The following CEP128 variants were observed in gnomAD, a reference collection of about 807,000 sequenced individuals.
The protein encoded by CEP128 is centrosomal protein 128.
In CEP128, 132 loss-of-function variants were observed where a neutral mutation model predicts 156.7. The observed-to-expected ratio is 0.84, with a 90% CI of 0.73 to 0.97. The LOEUF (loss-of-function observed/expected upper bound fraction) is 0.97. CEP128 is among the 50% of genes least tolerant of loss of function. CEP128 has a pLI of 0.00. For missense variants in CEP128, 1,252 were observed against 1,281.9 expected, an observed-to-expected ratio of 0.98 and a Z score of 0.36; for synonymous variants, 469 against 448.9, an observed-to-expected ratio of 1.04 and a Z score of -0.57.
chr14:80,829,114 C>A (rs1361878220), intron 13 of CEP128, among the ~76,000 whole-genome samples: 1 of 152,118 alleles, frequency 6.6e-6, no homozygotes, highest in Admixed American at 6.5e-5. Context: ...GCCATAAGAA[C>A]ATTAGTGATA....
chr14:80,894,321 T>C (rs986121780), intron 8 of CEP128, among the ~76,000 whole-genome samples: 6 of 152,114 alleles, frequency 3.9e-5, no homozygotes, highest in Non-Finnish European at 8.8e-5. Flanking sequence ...AAGAGGACCT[T>C]AGAGCAACAT....
chr14:80,870,049 A>G (rs1887952188), intron 8 of CEP128, among the ~76,000 whole-genome samples: 1 of 152,034 alleles, frequency 6.6e-6, no homozygotes, highest in Non-Finnish European at 1.5e-5. Context: ...ACTGAGTCAC[A>G]AAGAAACAGA....
At chr14:80,678,049 A>ATATATATATATATATAT (rs1555390206) in intron 19 of CEP128, among the ~76,000 whole-genome samples, 14 of 98,502 alleles carry the variant, frequency 1.4e-4, no homozygotes, top group East Asian at 4.3e-4. Context: ...ATAAAAAAAA[A>ATATATATATATATATAT]ATATATATAT....
At chr14:80,823,347 C>A (rs1231970872) in intron 13 of CEP128, among the ~76,000 whole-genome samples, 2 of 152,208 alleles carry the variant, frequency 1.3e-5, no homozygotes, top group African/African-American at 2.4e-5. Context: ...TCCTGAAAGT[C>A]AGGGTCGGCT....
chr14:80,857,756 C>T (rs375613106), intron 9 of CEP128, among the ~76,000 whole-genome samples: 1 of 123,498 alleles, frequency 8.1e-6, no homozygotes, highest in East Asian at 2.4e-4. Flanking sequence ...ACAACAACAA[C>T]AACAACAACA....
chr14:80,565,547 G>A (rs1333123516), intron 20 of CEP128, among the ~76,000 whole-genome samples: 1 of 152,138 alleles, frequency 6.6e-6, no homozygotes, highest in African/African-American at 2.4e-5. Flanking sequence ...TAAGCAGCTG[G>A]CAAGGTGAAC....
chr14:80,896,193 C>T (rs958275359), intron 7 of CEP128, among the ~76,000 whole-genome samples: 1 of 152,178 alleles, frequency 6.6e-6, no homozygotes, highest in Non-Finnish European at 1.5e-5. Context: ...AACTCTTGAT[C>T]TTACACCCTC....
intron 13 of CEP128, among the ~76,000 whole-genome samples, chr14:80,806,248 C>T (rs1368033388): frequency 2.5e-4 from 38 of 152,112 alleles, no homozygotes; most frequent in Non-Finnish European, 1.2e-4. Flanking sequence ...CCTCTTTGTA[C>T]TTTTTAATAA....
chr14:80,663,653 A>T (rs1398525398), intron 19 of CEP128, among the ~76,000 whole-genome samples: 2 of 152,188 alleles, frequency 1.3e-5, no homozygotes, highest in Non-Finnish European at 2.9e-5. Context: ...ACTACCAAAG[A>T]TGTTATACAT....
chr14:80,532,542 T>C (rs1446500602), intron 21 of CEP128, among the ~76,000 whole-genome samples: 1 of 152,140 alleles, frequency 6.6e-6, no homozygotes, highest in Admixed American at 6.6e-5. Flanking sequence ...TAGAGGCACA[T>C]ATGGAGACAG....
intron 19 of CEP128, among the ~76,000 whole-genome samples, chr14:80,607,393 A>T (rs919422819): frequency 1.8e-4 from 28 of 152,276 alleles, no homozygotes; most frequent in African/African-American, 6.5e-4. Flanking sequence ...TTCAAAAGAA[A>T]ATATAGGCTG....
intron 19 of CEP128, among the ~76,000 whole-genome samples, chr14:80,687,213 TAACA>T (rs1566857403): frequency 2.0e-5 from 3 of 152,100 alleles, no homozygotes; most frequent in African/African-American, 7.2e-5. Context: ...ACTGAAATCA[TAACA>T]AACACTCTCT....
At chr14:80,688,637 C>G (rs575801593) in intron 19 of CEP128, among the ~76,000 whole-genome samples, 3 of 152,190 alleles carry the variant, frequency 2.0e-5, no homozygotes, top group Admixed American at 2.0e-4. Flanking sequence ...CTCCTGGAAA[C>G]CCACATTCAC....
chr14:80,749,648 G>A (rs1350400845), intron 18 of CEP128, among the ~76,000 whole-genome samples: 1 of 152,084 alleles, frequency 6.6e-6, no homozygotes, highest in Admixed American at 6.6e-5. Context: ...GGGAGAGGGA[G>A]GCAGTGCATA....
chr14:80,496,068 T>C (rs1348846029), downstream of CEP128, among the ~76,000 whole-genome samples: 1 of 152,156 alleles, frequency 6.6e-6, no homozygotes, highest in Non-Finnish European at 1.5e-5. Context: ...ACCAAATCTG[T>C]TGTCTAACCC....
intron 8 of CEP128, among the ~76,000 whole-genome samples, chr14:80,880,910 T>TAAG (rs1248604288): frequency 0.044 from 6,240 of 142,212 alleles, 285 homozygotes; most frequent in African/African-American, 0.086. Context: ...ATAATAATAA[T>TAAG]TTCAGTAAAG....
chr14:80,489,332 T>C (rs1887247079), downstream of CEP128, among the ~76,000 whole-genome samples: 2 of 150,564 alleles, frequency 1.3e-5, no homozygotes, highest in Admixed American at 1.3e-4. Flanking sequence ...TAAGACATTA[T>C]TGATAATTGC....
At position 80,711,772 on chromosome 14, in the gene CEP128, T is replaced by C. The variant is rs1001157623; in HGVS notation, c.2806+31303A>G. 2.6e-5 allele frequency among the ~76,000 whole-genome samples: 4 copies of C among 152,176 alleles called. No homozygotes were observed. In the South Asian group the frequency reaches 6.2e-4, roughly 24 times the overall value. ...GAAGAAATGGATACCCCATTTACCA[T>C]AATGCGATTATTGTTTATTATATGC... On this transcript the variant is annotated intron_variant, in intron 19 of 24. Coordinates refer to ENST00000555265, the MANE Select transcript of CEP128 (RefSeq NM_152446.5).
At chr14:80,626,931 C>G (rs933346580) in intron 19 of CEP128, among the ~76,000 whole-genome samples, 2 of 152,162 alleles carry the variant, frequency 1.3e-5, no homozygotes, top group Non-Finnish European at 2.9e-5. Flanking sequence ...GACTTCGTCC[C>G]CCCATCACCA....
Sources: gnomAD v4.1 joint callset for allele counts (sites outside exome capture counted in the v4.1 genomes callset) on GRCh38, gnomAD v4.1.1 for gene constraint, MANE v1.5 for transcripts, NCBI Gene and HGNC (gene_info 2026-07-23, HGNC 2026-07-21) for gene names.